Variants in RIMS1 observed in about 807,000 individuals in gnomAD.
RIMS1 encodes the protein regulating synaptic membrane exocytosis protein 1.
Under a neutral mutation model 214.1 loss-of-function variants are expected in RIMS1, and 83 were observed. The observed-to-expected ratio is 0.39, with a 90% confidence interval of 0.32 to 0.47. The LOEUF (loss-of-function observed/expected upper bound fraction) is 0.47. RIMS1 is among the 20% of genes least tolerant of loss of function. The probability of loss-of-function intolerance (pLI) is 0.99; values close to 1 mark genes in which losing one functional copy is unlikely to be tolerated. For synonymous variants in RIMS1, 793 were observed against 786.8 expected (o/e 1.01, Z -0.13); for missense variants, 2,050 against 2,161.8 (o/e 0.95, Z 1.03).
At chr6:71,998,624 C>T (rs1804190917) in intron 2 of RIMS1, among the ~76,000 whole-genome samples, 1 of 152,106 alleles carries the variant, frequency 6.6e-6, no homozygotes, top group African/African-American at 2.4e-5. Context: ...TCCATATCAT[C>T]GATTTGAAAT....
intron 1 of RIMS1, among the ~76,000 whole-genome samples, chr6:71,964,134 T>C (rs574565469): frequency 2.0e-5 from 3 of 152,198 alleles, no homozygotes; most frequent in Non-Finnish European, 4.4e-5. Flanking sequence ...GTAGGAACCA[T>C]CAAAAACTCG....
At chr6:72,230,699 G>C (rs1050153309) in intron 6 of RIMS1, among the ~76,000 whole-genome samples, 2 of 151,550 alleles carry the variant, frequency 1.3e-5, no homozygotes, top group African/African-American at 4.8e-5. Flanking sequence ...GTTCTCTTTA[G>C]AGAAAATGTA....
intron 4 of RIMS1, among the ~76,000 whole-genome samples, chr6:72,136,363 G>A (rs2041277818): frequency 6.6e-6 from 1 of 151,596 alleles, no homozygotes. Flanking sequence ...GCATCTTGGT[G>A]GAATTTTATT....
intron 1 of RIMS1, among the ~76,000 whole-genome samples, chr6:71,955,982 A>G (rs1451228690): frequency 1.3e-5 from 2 of 152,122 alleles, no homozygotes; most frequent in African/African-American, 2.4e-5. Flanking sequence ...AATGTTATAT[A>G]TAAGAGGAAA....
chr6:71,936,712 T>G (rs535156049), intron 1 of RIMS1, among the ~76,000 whole-genome samples: 13 of 152,324 alleles, frequency 8.5e-5, no homozygotes, highest in Non-Finnish European at 1.9e-4. Context: ...TGTTTTTGGC[T>G]TTGGGGAATA....
chr6:72,288,892 AC>A (rs2092858847), intron 24 of RIMS1, among the ~76,000 whole-genome samples: 3 of 151,304 alleles, frequency 2.0e-5, no homozygotes, highest in South Asian at 4.2e-4. Context: ...AAGAAAAAAA[AC>A]ATATATTGTG....
chr6:72,058,241 T>G (rs1826885377), intron 2 of RIMS1, among the ~76,000 whole-genome samples: 1 of 152,232 alleles, frequency 6.6e-6, no homozygotes, highest in African/African-American at 2.4e-5. Context: ...GATTTCTCAC[T>G]CATCACCAAT....
At chr6:72,111,363 C>T (rs2036051406) in intron 4 of RIMS1, among the ~76,000 whole-genome samples, 1 of 152,142 alleles carries the variant, frequency 6.6e-6, no homozygotes. Flanking sequence ...TATGATTATT[C>T]ATCCAGGTAA....
intron 23 of RIMS1, among the ~76,000 whole-genome samples, 187 bp from the exon 24 acceptor site, chr6:72,283,860 A>G (rs1591882247): frequency 6.6e-6 from 1 of 152,220 alleles, no homozygotes; most frequent in Middle Eastern, 3.4e-3. Context: ...ACTTGGCACC[A>G]ATTCTGGTTT....
chr6:72,096,940 T>C lies in RIMS1; in HGVS notation c.246-9T>C. ...TACTTAGTTTGCTACCATTTTCTCT[T>C]TTGCCTAGGAGATTGCATCAACAGT... On this transcript the variant is annotated splice_polypyrimidine_tract_variant and intron_variant, in intron 2 of 33. Coordinates refer to ENST00000521978, the MANE Select transcript of RIMS1 (RefSeq NM_014989.7). 1.2e-6 allele frequency: 2 copies of C among 1,609,984 alleles called. No individual in the cohort carries two copies. Among genetic ancestry groups the C allele is most frequent in the South Asian group, 2.2e-5 (2 of 90,554 alleles).
rs186363250 is a variant in RIMS1, at chr6:72,095,819, A to G, written c.246-1130A>G. 8.9e-4 allele frequency among the ~76,000 whole-genome samples: 135 copies of G among 152,346 alleles called. 1 individual carries two copies. The Middle Eastern group carries it at 0.031, about 35-fold the overall frequency. ...ACTAACTGCCTGAATTAACAAAAGC[A>G]TCTGTGTACTCTGTGTCCTAGGGAA... On this transcript the variant is annotated intron_variant, in intron 2 of 33. Transcript: ENST00000521978.
intron 6 of RIMS1, among the ~76,000 whole-genome samples, chr6:72,202,510 T>C (rs2153994384): frequency 6.6e-6 from 1 of 152,324 alleles, no homozygotes; most frequent in Non-Finnish European, 1.5e-5. Flanking sequence ...TTTAATTGCA[T>C]CTTTAAAGAC....
At chr6:72,337,562 C>A (rs756223094) in intron 29 of RIMS1, among the ~76,000 whole-genome samples, 8 of 151,284 alleles carry the variant, frequency 5.3e-5, no homozygotes, top group Non-Finnish European at 7.4e-5. Flanking sequence ...TGTTATTATT[C>A]CCATTTTTTT....
intron 1 of RIMS1, among the ~76,000 whole-genome samples, chr6:71,959,176 A>G (rs1027590479): frequency 4.6e-5 from 7 of 152,160 alleles, no homozygotes; most frequent in Non-Finnish European, 8.8e-5. Context: ...AGCCCAGGTA[A>G]TAACACATTT....
chr6:72,037,025 A>C (rs1406843034), intron 2 of RIMS1, among the ~76,000 whole-genome samples: 3 of 152,112 alleles, frequency 2.0e-5, no homozygotes, highest in Non-Finnish European at 4.4e-5. Flanking sequence ...AAAATGATGA[A>C]GTTCTTTCCA....
chr6:72,185,719 C>T (rs193032106), intron 6 of RIMS1, among the ~76,000 whole-genome samples: 203 of 152,286 alleles, frequency 1.3e-3, no homozygotes, highest in Admixed American at 4.3e-3. Flanking sequence ...TGGTACCATA[C>T]AGAAACCAAT....
chr6:72,401,189 G>A lies in RIMS1; in HGVS notation c.*475G>A, dbSNP rs1378526994. ...GTTGGTTTTCGTTTCTTGAGTTTTT[G>A]TTTTGTTTTCACCACATCTGTTATT... On this transcript the variant is annotated 3_prime_UTR_variant, in exon 34 of 34. Transcript: ENST00000521978. The A allele has an allele frequency of 2.0e-5, 3 of 153,538 alleles. No individual in the cohort carries two copies. The highest frequency in any genetic ancestry group is 4.4e-5 in the Non-Finnish European group (3 of 68,828). 9.5% of individuals were successfully genotyped at this position (153,538 alleles called of 1,614,324 possible).
chr6:72,188,688 G>A (rs929813101), intron 6 of RIMS1, among the ~76,000 whole-genome samples: 5 of 152,198 alleles, frequency 3.3e-5, no homozygotes, highest in Admixed American at 6.5e-5. Context: ...TTACCTGGTA[G>A]AGTCACCCAG....
At position 72,235,545 on chromosome 6, in the gene RIMS1, C is replaced by T. The variant is rs543809227; in HGVS notation, c.1747-73C>T. 5.0e-5 allele frequency: 48 copies of T among 956,410 alleles called. No individual in the cohort carries two copies. The South Asian group carries it at 6.7e-4, about 13-fold the overall frequency. The allele number at this position is 956,410 out of a possible 1,614,324, so 59.2% of individuals were successfully genotyped here. ...ATCCATGTTACCTCTAATGACAAGA[C>T]TTCATTCTTTTTATAGCTGAATGCA... On this transcript the variant is annotated intron_variant, in intron 7 of 33. Transcript: ENST00000521978.
Sources: gnomAD v4.1 joint callset for allele counts (sites outside exome capture counted in the v4.1 genomes callset) on GRCh38, gnomAD v4.1.1 for gene constraint, MANE v1.5 for transcripts, NCBI Gene and HGNC (gene_info 2026-07-23, HGNC 2026-07-21) for gene names.